CDC27: variants seen among roughly 807,000 people sequenced by gnomAD.
CDC27 encodes cell division cycle 27.
A neutral mutation model predicts 109.7 loss-of-function variants in CDC27; 27 were observed. The observed-to-expected ratio is 0.25, with a 90% CI of 0.18 to 0.34. The LOEUF (loss-of-function observed/expected upper bound fraction) is 0.34, where lower values mean the gene tolerates loss of function less well. CDC27 is among the 10% of genes least tolerant of loss of function. The pLI is 1.00. For missense variants in CDC27, 579 were observed against 960.2 expected, an observed-to-expected ratio of 0.60 and a Z score of 5.25; for synonymous variants, 266 against 333.9, an observed-to-expected ratio of 0.80 and a Z score of 2.22.
At chr17:47,143,000 C>CTTAT (rs1333624381) in intron 10 of CDC27, among the ~76,000 whole-genome samples, 2 of 150,888 alleles carry the variant, frequency 1.3e-5, no homozygotes, top group Admixed American at 1.3e-4. Flanking sequence ...GGGACAGGAT[C>CTTAT]TTATTCTGTT....
chr17:47,154,667 A>C lies in CDC27; in HGVS notation c.957+5T>G, dbSNP rs1481151581. The C allele has an allele frequency of 6.7e-7, 1 of 1,488,526 alleles. No individual in the cohort carries two copies. The highest frequency in any genetic ancestry group is 1.7e-5 in the Admixed American group (1 of 57,994). The allele number at this position is 1,488,526 out of a possible 1,614,324, so 92.2% of individuals were successfully genotyped here. A position where few individuals can be genotyped will look rare whatever the true frequency, so the allele number is the denominator to read the frequency against. On this transcript the variant is annotated splice_donor_5th_base_variant and intron_variant, in intron 8 of 18. Transcript: ENST00000066544. ...TTCCCAAACTGCATTTTACATGGAA[A>C]ATACCTTTTTTGAAGGGGCTCCGGT...
intron 14 of CDC27, among the ~76,000 whole-genome samples, chr17:47,133,106 CATATATATATATATATAT>C (rs55717332): frequency 2.0e-5 from 2 of 98,014 alleles, no homozygotes; most frequent in South Asian, 3.7e-4. Context: ...CACAAATATA[CATATATATATATATATAT>C]ATATATATAT....
chr17:47,123,979 A>C lies in CDC27; in HGVS notation c.2161-19T>G. ...AAGCAGACTGAAAAAGGCAAAGAAA[A>C]ACCTTAAAGTAGCAAAAATTTTTAA... On this transcript the variant is annotated intron_variant, in intron 16 of 18. Coordinates refer to ENST00000066544, the MANE Select transcript of CDC27 (RefSeq NM_001256.6). 1 of 1,562,504 alleles carries C rather than the reference A, an allele frequency of 6.4e-7. No homozygotes were observed. The highest frequency in any genetic ancestry group is 8.6e-7 in the Non-Finnish European group (1 of 1,161,016).
At chr17:47,139,083 G>C (rs775435782) in intron 12 of CDC27, among the ~76,000 whole-genome samples, 192 bp from the exon 13 acceptor site, 3 of 152,056 alleles carry the variant, frequency 2.0e-5, no homozygotes, top group Non-Finnish European at 2.9e-5. Context: ...TAACCATATT[G>C]ACAGTCAACC....
intron 12 of CDC27, 157 bp downstream of exon 12, chr17:47,141,696 C>T (rs531936233): frequency 2.2e-6 from 1 of 444,644 alleles, no homozygotes; most frequent in African/African-American, 2.1e-5. Flanking sequence ...CAAGAAAGAA[C>T]TATATCTATA....
At chr17:47,156,729 T>G in intron 7 of CDC27, 184 bp downstream of exon 7, 2 of 394,668 alleles carry the variant, frequency 5.1e-6, no homozygotes, top group East Asian at 3.9e-5. Flanking sequence ...ATTACAGGCA[T>G]GAGCCACCGC....
rs1400256847 is a variant in CDC27, at chr17:47,138,899, A to T, written c.1552-8T>A. On this transcript the variant is annotated splice_region_variant and splice_polypyrimidine_tract_variant and intron_variant, in intron 12 of 18. Transcript: ENST00000066544. ...TGAGAATATTCTTTCAGCCTGAAAT[A>T]AAAAAAACTAGTAAGAGAAAACAAG... 21 of 1,534,698 alleles carry T rather than the reference A, an allele frequency of 1.4e-5. No homozygotes were observed. The highest frequency in any genetic ancestry group is 1.8e-5 in the Non-Finnish European group (21 of 1,135,254).
intron 1 of CDC27, among the ~76,000 whole-genome samples, chr17:47,184,892 A>G (rs2064373599): frequency 6.6e-6 from 1 of 152,200 alleles, no homozygotes; most frequent in East Asian, 1.9e-4. Flanking sequence ...CCAGTGCATT[A>G]CCGCTAGAGT....
chr17:47,154,091 A>G (rs1398657515), intron 8 of CDC27, among the ~76,000 whole-genome samples: 1 of 150,100 alleles, frequency 6.7e-6, no homozygotes, highest in East Asian at 1.9e-4. Context: ...CCTGTCTCAA[A>G]AAAAAAAAAA....
intron 1 of CDC27, among the ~76,000 whole-genome samples, chr17:47,186,001 C>T (rs1243650244): frequency 6.6e-6 from 1 of 152,180 alleles, no homozygotes; most frequent in East Asian, 1.9e-4. Context: ...CTACAATGCA[C>T]AGCTTCCAAC....
chr17:47,188,287 C>T (rs750487606), intron 1 of CDC27, among the ~76,000 whole-genome samples: 4 of 152,110 alleles, frequency 2.6e-5, no homozygotes, highest in African/African-American at 9.7e-5. Flanking sequence ...ACAAAAGATA[C>T]AGTTTCTCCA....
At chr17:47,150,862 G>A (rs901569733) in intron 9 of CDC27, among the ~76,000 whole-genome samples, 2 of 152,086 alleles carry the variant, frequency 1.3e-5, no homozygotes, top group South Asian at 4.1e-4. Flanking sequence ...GAGAAACCCT[G>A]TCTTTACTAA....
At chr17:47,176,147 A>C (rs2063997409) in intron 2 of CDC27, among the ~76,000 whole-genome samples, 1 of 152,184 alleles carries the variant, frequency 6.6e-6, no homozygotes, top group South Asian at 2.1e-4. Flanking sequence ...TCTTAAATTT[A>C]CAATACCTGA....
chr17:47,129,352 A>C (rs1353494748), intron 16 of CDC27, 41 bp downstream of exon 16: 5 of 1,412,578 alleles, frequency 3.5e-6, no homozygotes, highest in Middle Eastern at 2.1e-4. Flanking sequence ...CGTTGTTTTT[A>C]AGCAATACAA....
intron 10 of CDC27, among the ~76,000 whole-genome samples, chr17:47,143,208 C>G (rs1292115250): frequency 6.6e-6 from 1 of 152,108 alleles, no homozygotes; most frequent in African/African-American, 2.4e-5. Context: ...AAGTGATCGG[C>G]CCACCTTGGC....
intron 14 of CDC27, among the ~76,000 whole-genome samples, chr17:47,132,689 C>T (rs1028694740): frequency 6.7e-6 from 1 of 150,264 alleles, no homozygotes; most frequent in African/African-American, 2.4e-5. Flanking sequence ...CCTCAGCCTC[C>T]AGAGTAGCTG....
intron 9 of CDC27, among the ~76,000 whole-genome samples, chr17:47,147,157 T>C (rs2062984107): frequency 6.6e-6 from 1 of 151,672 alleles, no homozygotes; most frequent in South Asian, 2.1e-4. Context: ...TCCCAGCACT[T>C]TGGGAGGCCG....
intron 1 of CDC27, 153 bp downstream of exon 1, chr17:47,188,993 C>A (rs2064563165): frequency 3.4e-6 from 5 of 1,488,796 alleles, no homozygotes; most frequent in Middle Eastern, 2.4e-4. Flanking sequence ...GTGGGCAAGG[C>A]CTCCGAACTG....
chr17:47,134,366 G>A (rs1178240258), intron 14 of CDC27, among the ~76,000 whole-genome samples: 1 of 150,174 alleles, frequency 6.7e-6, no homozygotes, highest in Non-Finnish European at 1.5e-5. Context: ...GTGCAATGGC[G>A]TGATCATAGC....
Sources: gnomAD v4.1 joint callset for allele counts (sites outside exome capture counted in the v4.1 genomes callset) on GRCh38, gnomAD v4.1.1 for gene constraint, MANE v1.5 for transcripts, NCBI Gene and HGNC (gene_info 2026-07-23, HGNC 2026-07-21) for gene names.